LTBP1: variants seen among roughly 807,000 people sequenced by gnomAD.
The protein encoded by LTBP1 is latent transforming growth factor beta binding protein 1.
In LTBP1, 129 loss-of-function variants were observed where a neutral mutation model predicts 207.6. The ratio of observed to expected loss-of-function variants is 0.62; its 90% CI spans 0.54 to 0.72. The LOEUF (loss-of-function observed/expected upper bound fraction) is 0.72. Among genes scored for constraint, LTBP1 ranks in the 30% least tolerant of loss-of-function variants. LTBP1 has a pLI of 0.00. For missense variants in LTBP1, 2,281 were observed against 2,217.2 expected (o/e 1.03, Z -0.58); for synonymous variants, 963 against 833.7 (o/e 1.16, Z -2.67).
At chr2:33,325,444 C>T (rs1338928494) in intron 24 of LTBP1, among the ~76,000 whole-genome samples, 1 of 152,196 alleles carries the variant, frequency 6.6e-6, no homozygotes. Context: ...TCCCAGTCCT[C>T]ACTGGCAGCA....
At chr2:33,219,653 A>C (rs1202662085) in intron 8 of LTBP1, among the ~76,000 whole-genome samples, 1 of 152,148 alleles carries the variant, frequency 6.6e-6, no homozygotes, top group Non-Finnish European at 1.5e-5. Context: ...GAGGGAAGTT[A>C]GGTTCATAGA....
At chr2:33,314,445 A>G (rs1363881997) in intron 23 of LTBP1, among the ~76,000 whole-genome samples, 1 of 152,126 alleles carries the variant, frequency 6.6e-6, no homozygotes, top group Non-Finnish European at 1.5e-5. Flanking sequence ...GCCACTCGAG[A>G]GGCTGAGGAG....
intron 3 of LTBP1, among the ~76,000 whole-genome samples, chr2:33,029,435 C>G (rs2075585953): frequency 6.6e-6 from 1 of 152,132 alleles, no homozygotes; most frequent in East Asian, 1.9e-4. Flanking sequence ...TGAGATTGCG[C>G]CACTGCGCTC....
intron 7 of LTBP1, among the ~76,000 whole-genome samples, chr2:33,213,385 A>G (rs544524172): frequency 1.3e-5 from 2 of 152,216 alleles, no homozygotes; most frequent in South Asian, 2.1e-4. Flanking sequence ...TTAACTTGTA[A>G]AACATCACCT....
rs549913663 is a variant in LTBP1 at position 33,305,110 on chromosome 2, C to G, written c.3481+3466C>G. Among the ~76,000 whole-genome samples the G allele has an allele frequency of 2.6e-5, 4 of 151,934 alleles. 1 individual carries two copies. The South Asian group carries it at 6.2e-4, about 24-fold the overall frequency. On this transcript the variant is annotated intron_variant, in intron 22 of 33. Coordinates refer to ENST00000404816, the MANE Select transcript of LTBP1 (RefSeq NM_206943.4). ...CAGGTGGATCACGAGGTCAGGAGAT[C>G]GAGACCATCTTAGCCAACATGGTGA...
chr2:33,107,999 A>G (rs892972172), intron 3 of LTBP1, among the ~76,000 whole-genome samples: 5 of 152,204 alleles, frequency 3.3e-5, no homozygotes, highest in Non-Finnish European at 7.3e-5. Context: ...GAAGGAAAGG[A>G]AGAAGTAAAG....
intron 19 of LTBP1, chr2:33,291,615 G>A (rs144193578): frequency 2.6e-4 from 39 of 152,268 alleles, no homozygotes; most frequent in Middle Eastern, 3.4e-3. Flanking sequence ...TTTTGTTATC[G>A]TGGACTAGAG....
intron 22 of LTBP1, among the ~76,000 whole-genome samples, chr2:33,307,366 C>A (rs2094115133): frequency 6.6e-6 from 1 of 152,132 alleles, no homozygotes; most frequent in Non-Finnish European, 1.5e-5. Context: ...TTCACAATGG[C>A]CCAGATGGAA....
At chr2:33,279,735 A>G (rs1459844568) in intron 18 of LTBP1, among the ~76,000 whole-genome samples, 2 of 152,180 alleles carry the variant, frequency 1.3e-5, no homozygotes, top group African/African-American at 4.8e-5. Context: ...GAAAGGTTTC[A>G]TGTCCAGAAA....
intron 4 of LTBP1, among the ~76,000 whole-genome samples, chr2:33,118,248 A>G (rs945332388): frequency 6.6e-6 from 1 of 152,110 alleles, no homozygotes. Flanking sequence ...ATTGGCTTAC[A>G]CCAACCCAGT....
chr2:33,047,308 G>A (rs568843774), intron 3 of LTBP1, among the ~76,000 whole-genome samples: 55 of 152,266 alleles, frequency 3.6e-4, no homozygotes, highest in Admixed American at 1.8e-3. Context: ...ATTCTGGTAC[G>A]TTGTGTCTTT....
chr2:33,290,467 G>GT (rs1236092694), intron 19 of LTBP1, among the ~76,000 whole-genome samples: 3 of 152,218 alleles, frequency 2.0e-5, no homozygotes, highest in Non-Finnish European at 4.4e-5. Flanking sequence ...GTCATGGAAG[G>GT]TTTTTAAAGT....
chr2:32,956,625 A>T (rs1283969721), intron 2 of LTBP1, among the ~76,000 whole-genome samples: 1 of 152,204 alleles, frequency 6.6e-6, no homozygotes, highest in African/African-American at 2.4e-5. Context: ...GAGGGCTGGA[A>T]TCAGCTTCTT....
intron 3 of LTBP1, among the ~76,000 whole-genome samples, chr2:33,104,404 CT>C (rs1022190180): frequency 3.3e-5 from 5 of 152,296 alleles, no homozygotes; most frequent in African/African-American, 1.2e-4. Context: ...ATTTTGGCTC[CT>C]ACCATTCCTA....
At chr2:32,997,097 C>G (rs2148926002) in intron 2 of LTBP1, among the ~76,000 whole-genome samples, 1 of 152,232 alleles carries the variant, frequency 6.6e-6, no homozygotes, top group South Asian at 2.1e-4. Flanking sequence ...GTTGCCCAGG[C>G]TGGTCTCGAA....
chr2:33,004,540 A>G (rs528464819), intron 2 of LTBP1, among the ~76,000 whole-genome samples: 1 of 151,838 alleles, frequency 6.6e-6, no homozygotes, highest in Admixed American at 6.6e-5. Context: ...CACACCTATA[A>G]TCTCAGCACT....
intron 7 of LTBP1, among the ~76,000 whole-genome samples, chr2:33,191,697 T>A (rs2087902141): frequency 6.6e-6 from 1 of 152,224 alleles, no homozygotes; most frequent in African/African-American, 2.4e-5. Flanking sequence ...GAGGTATAGG[T>A]AGATTTTAAA....
At chr2:33,072,672 C>T (rs914689070) in intron 3 of LTBP1, among the ~76,000 whole-genome samples, 1 of 152,162 alleles carries the variant, frequency 6.6e-6, no homozygotes, top group Non-Finnish European at 1.5e-5. Context: ...AAAAGTGCCC[C>T]AACATGAGGT....
chr2:33,371,193 C>T (rs888747040), intron 31 of LTBP1, among the ~76,000 whole-genome samples: 14 of 152,188 alleles, frequency 9.2e-5, no homozygotes, highest in African/African-American at 3.1e-4. Context: ...CTACAGAGGC[C>T]AGACCGCAGA....
Sources: gnomAD v4.1 joint callset for allele counts (sites outside exome capture counted in the v4.1 genomes callset) on GRCh38, gnomAD v4.1.1 for gene constraint, MANE v1.5 for transcripts, NCBI Gene and HGNC (gene_info 2026-07-23, HGNC 2026-07-21) for gene names.